The following DCP1B variants were observed in gnomAD, a reference collection of about 807,000 sequenced individuals.
DCP1B encodes the protein decapping mRNA 1B, also known as mRNA-decapping enzyme 1B.
DCP1B carries 47 observed loss-of-function variants against 60.5 expected under a neutral mutation model. The observed-to-expected ratio is 0.78, with a 90% CI of 0.61 to 0.99. DCP1B has a LOEUF of 0.99. DCP1B is among the 50% of genes least tolerant of loss of function. The pLI is 0.00. For missense variants in DCP1B, 725 were observed against 756.8 expected (o/e 0.96, Z 0.49); for synonymous variants, 267 against 280.3 (o/e 0.95, Z 0.47).
intron 1 of DCP1B, among the ~76,000 whole-genome samples, chr12:1,999,423 G>T (rs1294859414): frequency 6.6e-6 from 1 of 152,138 alleles, no homozygotes; most frequent in African/African-American, 2.4e-5. Context: ...TATAAATAAA[G>T]AATTTAGACC....
intron 5 of DCP1B, among the ~76,000 whole-genome samples, chr12:1,963,901 A>G (rs1432346720): frequency 6.6e-6 from 1 of 152,170 alleles, no homozygotes; most frequent in African/African-American, 2.4e-5. Flanking sequence ...ACTAATTCTG[A>G]TATTTCCACT....
intron 1 of DCP1B, among the ~76,000 whole-genome samples, chr12:2,000,590 A>C (rs1204138422): frequency 6.6e-6 from 1 of 152,218 alleles, no homozygotes; most frequent in Non-Finnish European, 1.5e-5. Context: ...TAAAACTAAG[A>C]TTTTTATTTA....
chr12:1,993,266 C>G lies in DCP1B; in HGVS notation c.317G>C (p.Arg106Thr). The G allele has an allele frequency of 6.2e-7, 1 of 1,614,136 alleles. No individual in the cohort carries two copies. The highest frequency in any genetic ancestry group is 2.2e-5 in the East Asian group (1 of 44,870). Residue 106 changes from arginine to threonine, a missense_variant and splice_region_variant, in exon 3 of 9, where the codon AGA (arginine) becomes ACA (threonine). By Grantham distance (71) the Arg-to-Thr change is moderately conservative. Coordinates refer to ENST00000280665, the MANE Select transcript of DCP1B (RefSeq NM_152640.5). The stretch of plus-strand genomic sequence containing the variant: ...CCACTGTAGTAAGAAAGACTCACAT[C>G]TGGCATTTCTGTAGAGAAGGAAAGG... The part of the protein sequence containing the change: ...QDPFLLYRNA[R>T]LSIYGIWFYD...
At chr12:1,986,021 G>A (rs1424911870) in intron 3 of DCP1B, among the ~76,000 whole-genome samples, 1 of 152,162 alleles carries the variant, frequency 6.6e-6, no homozygotes, top group African/African-American at 2.4e-5. Context: ...CACCGTGTTA[G>A]CCAGGATGGT....
chr12:1,947,131 G>A, intron 8 of DCP1B, among the ~76,000 whole-genome samples: 1 of 152,214 alleles, frequency 6.6e-6, no homozygotes, highest in East Asian at 1.9e-4. Flanking sequence ...TTCTAGCCTT[G>A]GCAAGTGGGC....
chr12:1,990,778 C>T lies in DCP1B; in HGVS notation c.319+2486G>A, dbSNP rs139463020. 1.6e-4 allele frequency among the ~76,000 whole-genome samples: 25 copies of T among 152,198 alleles called. No individual in the cohort carries two copies. In the East Asian group the frequency reaches 4.6e-3, roughly 28 times the overall value. The stretch of plus-strand genomic sequence containing the variant: ...AAAGAAAGGCCAACCAATCTATATG[C>T]CACCAAAGAACATGTAAACCATACA... On this transcript the variant is annotated intron_variant, in intron 3 of 8. Coordinates refer to ENST00000280665, the MANE Select transcript of DCP1B (RefSeq NM_152640.5).
chr12:1,945,854 AG>A (rs1420830047), downstream of DCP1B, among the ~76,000 whole-genome samples: 1 of 152,024 alleles, frequency 6.6e-6, no homozygotes, highest in Non-Finnish European at 1.5e-5. Flanking sequence ...GGACATAGGG[AG>A]GGGAACATCA....
At position 1,949,340 on chromosome 12, in the gene DCP1B, C is replaced by T. The variant is rs767437569; in HGVS notation, c.1525-6G>A. Reference sequence around the variant, plus strand: ...ATGCGCTGAGGTGAGATGACCTGCTCACAGCAAATACACACAGAGAGCGGG... The same window carrying T: ...ATGCGCTGAGGTGAGATGACCTGCTTACAGCAAATACACACAGAGAGCGGG... On this transcript the variant is annotated splice_region_variant and splice_polypyrimidine_tract_variant and intron_variant, in intron 7 of 8. Transcript: ENST00000280665. The T allele has an allele frequency of 6.2e-7, 1 of 1,613,280 alleles. No homozygotes were observed. The highest frequency in any genetic ancestry group is 2.2e-5 in the East Asian group (1 of 44,864).
intron 3 of DCP1B, among the ~76,000 whole-genome samples, chr12:1,972,791 A>G (rs1284901824): frequency 6.6e-6 from 1 of 152,124 alleles, no homozygotes; most frequent in African/African-American, 2.4e-5. Flanking sequence ...AAAGGAAAAA[A>G]AGAAGGATGG....
chr12:1,943,922 A>C (rs565032210), downstream of DCP1B, among the ~76,000 whole-genome samples: 3 of 152,302 alleles, frequency 2.0e-5, no homozygotes, highest in South Asian at 6.2e-4. Context: ...TCAACATAGT[A>C]TTGGAAGTTC....
In DCP1B at chr12:1,962,029, C is replaced by T. The variant is rs1048677932; in HGVS notation, c.522+3529G>A. On this transcript the variant is annotated intron_variant, in intron 5 of 8. Transcript: ENST00000280665. This position sits in a 1 kb window ranked among gnomAD's most constrained non-coding sequence, Gnocchi z 4.4. Reference sequence around the variant, plus strand: ...AGGCATGCCACGCTGCACAGGGCCACGTGTGGAAGCCTCAGGGTGTCAGCA... The same window carrying T: ...AGGCATGCCACGCTGCACAGGGCCATGTGTGGAAGCCTCAGGGTGTCAGCA... Among the ~76,000 whole-genome samples, 6 of 152,120 alleles carry T rather than the reference C, an allele frequency of 3.9e-5. No homozygotes were observed. The highest frequency in any genetic ancestry group is 8.8e-5 in the Non-Finnish European group (6 of 68,024).
chr12:1,947,776 C>T (rs2030492588), intron 8 of DCP1B, among the ~76,000 whole-genome samples: 1 of 152,118 alleles, frequency 6.6e-6, no homozygotes, highest in Non-Finnish European at 1.5e-5. Flanking sequence ...CCTTATTTAT[C>T]TCTGATTGTT....
chr12:1,970,279 C>T (rs375469077), intron 3 of DCP1B, among the ~76,000 whole-genome samples: 4 of 152,198 alleles, frequency 2.6e-5, no homozygotes, highest in African/African-American at 9.6e-5. Context: ...TTTAAGACAT[C>T]GTGAAGACTT....
intron 3 of DCP1B, among the ~76,000 whole-genome samples, chr12:1,987,741 C>T (rs568673693): frequency 1.3e-5 from 2 of 152,272 alleles, no homozygotes; most frequent in East Asian, 3.9e-4. Context: ...ACAACCCCAT[C>T]CTTCCAATAT....
intron 1 of DCP1B, among the ~76,000 whole-genome samples, chr12:2,000,434 T>A (rs2041924421): frequency 1.3e-5 from 2 of 152,114 alleles, no homozygotes. Flanking sequence ...TTGTTTCCTT[T>A]CTTCCTTGAT....
At chr12:1,947,432 G>A (rs937439261) in intron 8 of DCP1B, among the ~76,000 whole-genome samples, 2 of 152,200 alleles carry the variant, frequency 1.3e-5, no homozygotes, top group Non-Finnish European at 2.9e-5. Context: ...ACAAGAGGCA[G>A]AAACTAAAAA....
intron 5 of DCP1B, among the ~76,000 whole-genome samples, chr12:1,959,333 T>TA (rs1441188159): frequency 6.6e-6 from 1 of 152,134 alleles, no homozygotes; most frequent in Non-Finnish European, 1.5e-5. Context: ...ACAACATACA[T>TA]ACGATAAGAG....
chr12:1,996,660 AAACT>A (rs2040987177), intron 2 of DCP1B, among the ~76,000 whole-genome samples: 1 of 66,626 alleles, frequency 1.5e-5, no homozygotes, highest in African/African-American at 7.9e-5. Flanking sequence ...AAAAAACAAC[AAACT>A]CTTCTAATGT....
At chr12:1,977,158 C>T (rs1166131706) in intron 3 of DCP1B, among the ~76,000 whole-genome samples, 1 of 152,142 alleles carries the variant, frequency 6.6e-6, no homozygotes, top group African/African-American at 2.4e-5. Context: ...AAAGACGTAA[C>T]AAAGTCTCCA....
Sources: gnomAD v4.1 joint callset for allele counts (sites outside exome capture counted in the v4.1 genomes callset) on GRCh38, gnomAD v4.1.1 for gene constraint, Gnocchi (gnomAD v3.1) non-coding constraint, MANE v1.5 for transcripts, NCBI Gene and HGNC (gene_info 2026-07-23, HGNC 2026-07-21) for gene names.